The following G3BP2 variants were observed in gnomAD, a reference collection of about 807,000 sequenced individuals.
The protein encoded by G3BP2 is G3BP stress granule assembly factor 2.
G3BP2 carries 11 observed loss-of-function variants against 56.7 expected under a neutral mutation model. That is an observed-to-expected ratio of 0.19 (90% CI 0.12 to 0.32). The LOEUF (loss-of-function observed/expected upper bound fraction) is 0.32, where lower values mean the gene tolerates loss of function less well. Among genes scored for constraint, G3BP2 ranks in the 10% least tolerant of loss-of-function variants. The probability of loss-of-function intolerance (pLI) is 1.00; values close to 1 mark genes in which losing one functional copy is unlikely to be tolerated. For synonymous variants in G3BP2, 165 were observed against 191.6 expected (o/e 0.86, Z 1.15); for missense variants, 340 against 610.9 (o/e 0.56, Z 4.67).
chr4:75,658,813 T>C (rs764948903), intron 3 of G3BP2, 30 bp downstream of exon 3: 1 of 1,392,630 alleles, frequency 7.2e-7, no homozygotes, highest in South Asian at 1.2e-5. Context: ...AACACAAAAT[T>C]TCTAAACTAC....
intron 3 of G3BP2, among the ~76,000 whole-genome samples, chr4:75,710,500 G>GTT (rs963345514): frequency 1.3e-5 from 2 of 152,150 alleles, no homozygotes; most frequent in African/African-American, 4.8e-5. Flanking sequence ...AACAATAGGG[G>GTT]TTTGAACTTT....
intron 3 of G3BP2, among the ~76,000 whole-genome samples, chr4:75,687,874 G>A (rs1172685834): frequency 1.3e-5 from 2 of 152,224 alleles, no homozygotes; most frequent in African/African-American, 4.8e-5. Flanking sequence ...ACAAGGGTTT[G>A]AGGCCCTGAG....
intron 9 of G3BP2, 29 bp from the exon 10 acceptor site, chr4:75,647,186 A>G: frequency 6.9e-7 from 1 of 1,456,584 alleles, no homozygotes. Flanking sequence ...CAGATACTAA[A>G]GTTTACAATA....
At position 75,645,278 on chromosome 4, in the gene G3BP2, C is replaced by T. The variant is rs1731134288; in HGVS notation, c.*152G>A. 3.2e-6 allele frequency: 2 copies of T among 629,428 alleles called. No homozygotes were observed. Among genetic ancestry groups the T allele is most frequent in the South Asian group, 2.2e-5 (1 of 46,400 alleles). The allele number at this position is 629,428 out of a possible 1,614,324, so 39.0% of individuals were successfully genotyped here. A position where few individuals can be genotyped will look rare whatever the true frequency, so the allele number is the denominator to read the frequency against. ...GTTGTGAAATTGGGGAAATAATGTC[C>T]ACCTCAATTTAACTGATAACCAAAG... is the stretch of plus-strand genomic sequence containing the variant. On this transcript the variant is annotated 3_prime_UTR_variant, in exon 12 of 12. Transcript: ENST00000359707.
intron 2 of G3BP2, 167 bp downstream of exon 2, chr4:75,661,764 C>A: frequency 1.8e-6 from 1 of 554,026 alleles, no homozygotes; most frequent in South Asian, 2.6e-5. Context: ...CTGTGAGTTG[C>A]AGTTAAAAAC....
rs1007302026 is a variant in G3BP2 at position 75,644,953 on chromosome 4, T to C, written c.*477A>G. ...ATGTTAATGAGTTCAGAGTACCCAT[T>C]AGTACATTTTGATGAGTGCATAACA... On this transcript the variant is annotated 3_prime_UTR_variant, in exon 12 of 12. Coordinates refer to ENST00000359707, the MANE Select transcript of G3BP2 (RefSeq NM_203505.3). 3.2e-5 allele frequency: 5 copies of C among 158,650 alleles called. No individual in the cohort carries two copies. Among genetic ancestry groups the C allele is most frequent in the African/African-American group, 1.2e-4 (5 of 41,496 alleles). 9.8% of individuals were successfully genotyped at this position (158,650 alleles called of 1,614,324 possible).
At chr4:75,723,158 A>G (rs1325348474) in intron 1 of G3BP2, among the ~76,000 whole-genome samples, 1 of 152,246 alleles carries the variant, frequency 6.6e-6, no homozygotes, top group Non-Finnish European at 1.5e-5. Context: ...AGGGAAGGGC[A>G]TATCCAGGTC....
At chr4:75,655,339 G>T (rs1732012073) in intron 6 of G3BP2, 93 bp from the exon 7 acceptor site, 1 of 869,380 alleles carries the variant, frequency 1.2e-6, no homozygotes, top group Non-Finnish European at 1.8e-6. Context: ...CTAGTTATAT[G>T]CCAATAACTT....
intron 1 of G3BP2, among the ~76,000 whole-genome samples, chr4:75,668,780 A>T (rs1359566645): frequency 1.3e-5 from 2 of 152,182 alleles, no homozygotes; most frequent in Non-Finnish European, 2.9e-5. Context: ...GCCCAGCAGA[A>T]ATCCTGTCCC....
intron 3 of G3BP2, among the ~76,000 whole-genome samples, chr4:75,703,758 T>C (rs1283910562): frequency 6.6e-6 from 1 of 152,206 alleles, no homozygotes; most frequent in Non-Finnish European, 1.5e-5. Flanking sequence ...AGGATGTGGA[T>C]GGAAAATGAT....
chr4:75,670,742 T>G (rs1733418633), intron 1 of G3BP2, among the ~76,000 whole-genome samples: 1 of 150,680 alleles, frequency 6.6e-6, no homozygotes, highest in South Asian at 2.1e-4. Flanking sequence ...GAAAGGTGTT[T>G]GGGGTTCCTC....
intron 3 of G3BP2, among the ~76,000 whole-genome samples, chr4:75,710,151 CAG>C (rs1719701687): frequency 1.3e-5 from 2 of 152,098 alleles, no homozygotes; most frequent in Non-Finnish European, 2.9e-5. Flanking sequence ...TTTCTAGGGA[CAG>C]AGTCTCACTA....
intron 3 of G3BP2, among the ~76,000 whole-genome samples, chr4:75,692,157 C>T (rs1490190746): frequency 6.6e-6 from 1 of 152,054 alleles, no homozygotes; most frequent in Admixed American, 6.6e-5. Context: ...TATTATGTTC[C>T]TTTCTGTTCT....
At chr4:75,675,638 C>G (rs1258842956), upstream of G3BP2, among the ~76,000 whole-genome samples, 1 of 152,118 alleles carries the variant, frequency 6.6e-6, no homozygotes, top group East Asian at 1.9e-4. Flanking sequence ...ACTAAAAATA[C>G]AAAATTAGCC....
upstream of G3BP2, chr4:75,673,539 T>C (rs1384142303): frequency 1.6e-6 from 2 of 1,231,794 alleles, no homozygotes; most frequent in Non-Finnish European, 2.0e-6. Context: ...CCCGTGTCCC[T>C]CTGCGGAGCA....
upstream of G3BP2, among the ~76,000 whole-genome samples, chr4:75,676,229 C>A (rs547198219): frequency 5.3e-4 from 81 of 152,296 alleles, no homozygotes; most frequent in African/African-American, 1.8e-3. Flanking sequence ...GCAATGTCCA[C>A]CTCCTATAGA....
intron 1 of G3BP2, among the ~76,000 whole-genome samples, chr4:75,667,157 T>C (rs188233956): frequency 2.2e-3 from 335 of 151,926 alleles, no homozygotes; most frequent in African/African-American, 7.7e-3. Context: ...GGCGTGGTAG[T>C]GTGCAAGCGT....
intron 3 of G3BP2, among the ~76,000 whole-genome samples, chr4:75,703,152 A>G (rs1719411115): frequency 6.6e-6 from 1 of 152,178 alleles, no homozygotes; most frequent in African/African-American, 2.4e-5. Context: ...GTAACTTCCT[A>G]TGGGGAGAAT....
chr4:75,658,779 G>T, intron 3 of G3BP2, 64 bp downstream of exon 3: 1 of 966,456 alleles, frequency 1.0e-6, no homozygotes, highest in Non-Finnish European at 1.7e-6. Flanking sequence ...ACACAAGAAG[G>T]CTATTTTTTA....
Sources: gnomAD v4.1 joint callset for allele counts (sites outside exome capture counted in the v4.1 genomes callset) on GRCh38, gnomAD v4.1.1 for gene constraint, MANE v1.5 for transcripts, NCBI Gene and HGNC (gene_info 2026-07-23, HGNC 2026-07-21) for gene names.